The following KAZN variants were observed in gnomAD, a reference collection of about 807,000 sequenced individuals.
KAZN encodes kazrin.
A neutral mutation model predicts 87.4 loss-of-function variants in KAZN; 40 were observed. The observed-to-expected ratio is 0.46, with a 90% CI of 0.36 to 0.60. The LOEUF (loss-of-function observed/expected upper bound fraction) is 0.60, where lower values mean the gene tolerates loss of function less well. KAZN is among the 20% of genes least tolerant of loss of function. The pLI, the probability that KAZN is intolerant of heterozygous loss-of-function variation, is 0.00. For missense variants in KAZN, 898 were observed against 1,073.9 expected (o/e 0.84, Z 2.29); for synonymous variants, 466 against 458.3 (o/e 1.02, Z -0.22).
chr1:14,991,086 C>T (rs1388394477), intron 2 of KAZN, among the ~76,000 whole-genome samples: 1 of 151,952 alleles, frequency 6.6e-6, no homozygotes, highest in Non-Finnish European at 1.5e-5. Context: ...GGCGCAGAGG[C>T]TCGTGCCTGT....
At position 14,207,829 on chromosome 1, in the gene KAZN, G is replaced by C. The variant is rs187919625; in HGVS notation, c.249+27237G>C. ...AGATCAAAGACGATCAAGAGCTAGA[G>C]GGCCACACAAGACCTGCTGTGGGGT... On this transcript the variant is annotated intron_variant, in intron 2 of 16. Transcript: ENST00000636203. 2.1e-3 allele frequency among the ~76,000 whole-genome samples: 321 copies of C among 152,312 alleles called. 1 individual carries two copies. Among genetic ancestry groups the C allele is most frequent in the Non-Finnish European group, 4.0e-3 (272 of 68,028 alleles).
chr1:14,825,056 G>A (rs116841593), intron 1 of KAZN, among the ~76,000 whole-genome samples: 100 of 152,348 alleles, frequency 6.6e-4, no homozygotes, highest in Non-Finnish European at 1.3e-3. Flanking sequence ...TGCTGAAGCC[G>A]GGGGTTCACC....
intron 1 of KAZN, among the ~76,000 whole-genome samples, chr1:14,175,046 T>C (rs184172610): frequency 6.4e-4 from 98 of 152,262 alleles, no homozygotes; most frequent in African/African-American, 2.1e-3. Flanking sequence ...ACTGTAGGCA[T>C]TGGTTTAGAG....
intron 1 of KAZN, among the ~76,000 whole-genome samples, chr1:13,900,211 C>A (rs539187414): frequency 6.6e-6 from 1 of 152,274 alleles, no homozygotes; most frequent in South Asian, 2.1e-4. Context: ...TTCCAATAGT[C>A]CCTTGGGCTG....
intron 1 of KAZN, among the ~76,000 whole-genome samples, chr1:14,814,705 T>G (rs1270213916): frequency 1.3e-5 from 2 of 152,152 alleles, no homozygotes; most frequent in African/African-American, 4.8e-5. Context: ...GGGCTCCTGG[T>G]GCTTGTTACT....
intron 2 of KAZN, among the ~76,000 whole-genome samples, chr1:15,006,852 C>T (rs1432323851): frequency 2.0e-5 from 3 of 151,820 alleles, no homozygotes; most frequent in Admixed American, 1.3e-4. Flanking sequence ...GTCAGAAGAT[C>T]GAGACCATCC....
chr1:14,832,155 C>T (rs1220822987), intron 1 of KAZN, among the ~76,000 whole-genome samples: 7 of 151,100 alleles, frequency 4.6e-5, no homozygotes, highest in Non-Finnish European at 1.0e-4. Flanking sequence ...GAGATCGCAC[C>T]ATTGCGCTCC....
chr1:14,519,442 G>A (rs180990789), intron 2 of KAZN, among the ~76,000 whole-genome samples: 24 of 152,290 alleles, frequency 1.6e-4, no homozygotes, highest in African/African-American at 5.8e-4. Flanking sequence ...ACATGTCAGG[G>A]ACAGTGAGGG....
chr1:14,546,240 T>G (rs915872971), intron 2 of KAZN, among the ~76,000 whole-genome samples: 5 of 152,208 alleles, frequency 3.3e-5, no homozygotes, highest in Non-Finnish European at 5.9e-5. Context: ...ACACTGTCAA[T>G]AGCCAATCAT....
At chr1:15,085,198 G>A (rs1306141469) in intron 8 of KAZN, among the ~76,000 whole-genome samples, 1 of 152,038 alleles carries the variant, frequency 6.6e-6, no homozygotes, top group East Asian at 1.9e-4. Flanking sequence ...AAAACTAAAG[G>A]AGAAATTGCT....
chr1:14,039,169 CAAAAA>C (rs5772558), intron 1 of KAZN, among the ~76,000 whole-genome samples: 1 of 122,524 alleles, frequency 8.2e-6, no homozygotes, highest in Non-Finnish European at 1.8e-5. Context: ...GACTCTGTCT[CAAAAA>C]AAAAAAAAAA....
At chr1:14,550,700 CTT>C (rs1673443375) in intron 2 of KAZN, among the ~76,000 whole-genome samples, 1 of 113,338 alleles carries the variant, frequency 8.8e-6, no homozygotes. Context: ...CCTCTCTCCT[CTT>C]TTCTCTCTCT....
At chr1:14,246,908 T>C (rs1294725435) in intron 2 of KAZN, among the ~76,000 whole-genome samples, 2 of 152,176 alleles carry the variant, frequency 1.3e-5, no homozygotes, top group African/African-American at 4.8e-5. Flanking sequence ...GAAGTGTGAT[T>C]TCTGAGTCTC....
chr1:14,088,534 G>A (rs770072834), intron 1 of KAZN, among the ~76,000 whole-genome samples: 2 of 151,894 alleles, frequency 1.3e-5, no homozygotes, highest in Non-Finnish European at 2.9e-5. Context: ...ATTTGTTAAA[G>A]ATTGTTTTAT....
rs1416459979 is a variant in KAZN, at chr1:15,083,911, G to T, written c.1223-10269G>T. Among the ~76,000 whole-genome samples, 3 of 152,326 alleles carry T rather than the reference G, an allele frequency of 2.0e-5. No homozygotes were observed. In the East Asian group the frequency reaches 5.8e-4, roughly 29 times the overall value. On this transcript the variant is annotated intron_variant, in intron 8 of 14. Transcript: ENST00000376030. The stretch of plus-strand genomic sequence containing the variant: ...CTGCTCACATAGGTTCTTCTACACT[G>T]GGAGGCGGGGAATTCAGGGTTGAAG...
chr1:14,340,150 C>T (rs1169881425), intron 2 of KAZN, among the ~76,000 whole-genome samples: 7 of 152,172 alleles, frequency 4.6e-5, no homozygotes, highest in East Asian at 1.9e-4. Context: ...TCTGAGCATC[C>T]GCACTGTGTG....
chr1:14,038,034 T>C (rs573156785), intron 1 of KAZN, among the ~76,000 whole-genome samples: 1 of 152,310 alleles, frequency 6.6e-6, no homozygotes, highest in African/African-American at 2.4e-5. Context: ...CATCCATCTG[T>C]CCACCCATCT....
In KAZN at chr1:14,111,411, A is replaced by G. The variant is rs921058932; in HGVS notation, c.92-69024A>G. On this transcript the variant is annotated intron_variant, in intron 1 of 16. Coordinates refer to the KAZN transcript ENST00000636203. ...TGCACATTGGAAAAGTGAAGGAACT[A>G]CTGATCTCTATATGCCCTGTGCTTG... 1.5e-5 allele frequency among the ~76,000 whole-genome samples: 2 copies of G among 134,098 alleles called. 1 individual carries two copies. Among genetic ancestry groups the G allele is most frequent in the African/African-American group, 5.7e-5 (2 of 35,018 alleles). 88.0% of individuals were successfully genotyped at this position (134,098 alleles called of 152,430 possible).
intron 2 of KAZN, among the ~76,000 whole-genome samples, chr1:15,019,108 G>A (rs1670412790): frequency 6.6e-6 from 1 of 152,146 alleles, no homozygotes; most frequent in Non-Finnish European, 1.5e-5. Flanking sequence ...GAGAGGACCT[G>A]GCATGTACCT....
Sources: allele counts gnomAD v4.1 joint callset (sites outside exome capture counted in the v4.1 genomes callset), GRCh38; gene constraint gnomAD v4.1.1; transcripts MANE v1.5; gene names NCBI Gene and HGNC (gene_info 2026-07-23, HGNC 2026-07-21).